SFXN5: variants seen among roughly 807,000 people sequenced by gnomAD.
SFXN5 encodes the protein sideroflexin-5.
A neutral mutation model predicts 50.2 loss-of-function variants in SFXN5; 43 were observed. The ratio of observed to expected loss-of-function variants is 0.86; its 90% CI spans 0.67 to 1.11. SFXN5 has a LOEUF of 1.11. SFXN5 is among the 50% of genes least tolerant of loss of function. SFXN5 has a pLI of 0.00. For missense variants in SFXN5, 463 were observed against 454.1 expected (o/e 1.02, Z -0.18); for synonymous variants, 203 against 185.8 (o/e 1.09, Z -0.75).
intron 3 of SFXN5, among the ~76,000 whole-genome samples, chr2:73,031,158 G>T (rs1031616235): frequency 7.9e-5 from 12 of 152,242 alleles, no homozygotes; most frequent in African/African-American, 2.2e-4. Flanking sequence ...AAGCTGGCAG[G>T]TGGCTGGCCT....
intron 2 of SFXN5, among the ~76,000 whole-genome samples, chr2:73,046,631 C>G (rs1027800614): frequency 2.0e-5 from 3 of 151,924 alleles, no homozygotes; most frequent in African/African-American, 7.3e-5. Context: ...GAACCATGAT[C>G]ACTGCCACTG....
chr2:73,054,506 T>C (rs1268797760), intron 2 of SFXN5, among the ~76,000 whole-genome samples: 3 of 151,850 alleles, frequency 2.0e-5, no homozygotes, highest in Non-Finnish European at 4.4e-5. Flanking sequence ...AGTAGTGAAA[T>C]GAAATGATCC....
chr2:73,018,405 C>T (rs1177733543), intron 6 of SFXN5, among the ~76,000 whole-genome samples: 1 of 151,816 alleles, frequency 6.6e-6, no homozygotes. Context: ...AAAAGTGGCC[C>T]CATTTGCATA....
In SFXN5 at chr2:73,022,586, G is replaced by A. The variant is rs1050466861; in HGVS notation, c.277-10C>T. On this transcript the variant is annotated splice_polypyrimidine_tract_variant and intron_variant, in intron 4 of 13. Transcript: ENST00000272433. The stretch of plus-strand genomic sequence containing the variant: ...CCGGATGTAGAATAGCCTGGCAAAA[G>A]CAGGAACAGAGAATGGGGTGGGGAC... 1 of 1,352,438 alleles carries A rather than the reference G, an allele frequency of 7.4e-7. No individual in the cohort carries two copies. Among genetic ancestry groups the A allele is most frequent in the Non-Finnish European group, 9.9e-7 (1 of 1,015,204 alleles). 83.8% of individuals were successfully genotyped at this position (1,352,438 alleles called of 1,614,324 possible).
At chr2:73,005,572 C>T (rs1397307219) in intron 6 of SFXN5, among the ~76,000 whole-genome samples, 1 of 152,238 alleles carries the variant, frequency 6.6e-6, no homozygotes, top group Admixed American at 6.5e-5. Context: ...CAAGCGCTCC[C>T]TGGATGCCGG....
At chr2:73,017,703 A>G (rs775308681) in intron 6 of SFXN5, among the ~76,000 whole-genome samples, 11 of 152,218 alleles carry the variant, frequency 7.2e-5, no homozygotes, top group Non-Finnish European at 1.2e-4. Flanking sequence ...ACAAATGAAC[A>G]TCGAGATGTT....
chr2:72,944,983 C>T lies in SFXN5; in HGVS notation c.*39G>A, dbSNP rs566194162. The T allele has an allele frequency of 1.0e-5, 16 of 1,596,592 alleles. No individual in the cohort carries two copies. The African/African-American group carries it at 1.5e-4, about 15-fold the overall frequency. On this transcript the variant is annotated 3_prime_UTR_variant, in exon 14 of 14. Coordinates refer to ENST00000272433, the MANE Select transcript of SFXN5 (RefSeq NM_144579.3). The stretch of plus-strand genomic sequence containing the variant: ...TCTACGGCCCTGCCCCTCAGCTCCC[C>T]GGCTGCACAGTGCTCCGTCCCCAGG...
chr2:73,011,797 T>C (rs925633687), intron 6 of SFXN5, among the ~76,000 whole-genome samples: 2 of 152,206 alleles, frequency 1.3e-5, no homozygotes, highest in African/African-American at 2.4e-5. Flanking sequence ...TGGAGAAATA[T>C]AGTCTTTTTG....
intron 1 of SFXN5, among the ~76,000 whole-genome samples, chr2:73,069,037 G>A (rs1044035487): frequency 6.6e-6 from 1 of 151,690 alleles, no homozygotes; most frequent in Admixed American, 6.6e-5. Flanking sequence ...GTGTGGGTGG[G>A]TGGGTGGTGG....
In SFXN5 at chr2:73,055,899, C is replaced by T. The variant is rs186802262; in HGVS notation, c.171+2629G>A. ...CCCAAAGTGCCGGGATTACAGGCGT[C>T]GGCCACCGGGCCAGTGAATGTCTTG... is the stretch of plus-strand genomic sequence containing the variant. On this transcript the variant is annotated intron_variant, in intron 2 of 13. Coordinates refer to ENST00000272433, the MANE Select transcript of SFXN5 (RefSeq NM_144579.3). Among the ~76,000 whole-genome samples, 60 of 152,300 alleles carry T rather than the reference C, an allele frequency of 3.9e-4. 2 individuals are homozygous for T. In the East Asian group the frequency reaches 7.6e-3, roughly 19 times the overall value.
intron 13 of SFXN5, among the ~76,000 whole-genome samples, chr2:72,949,942 T>TG: frequency 1.3e-5 from 2 of 150,864 alleles, no homozygotes; most frequent in Non-Finnish European, 3.0e-5. Flanking sequence ...GGGTTGGGGG[T>TG]GGTAGGCTCA....
chr2:73,013,405 T>TTGTGTG (rs1675777824), intron 6 of SFXN5, among the ~76,000 whole-genome samples: 1 of 120,242 alleles, frequency 8.3e-6, no homozygotes, highest in African/African-American at 3.3e-5. Flanking sequence ...CAGGGATATT[T>TTGTGTG]CGTGTGTGTG....
chr2:73,063,220 G>C (rs977675403), intron 1 of SFXN5, among the ~76,000 whole-genome samples: 2 of 152,112 alleles, frequency 1.3e-5, no homozygotes, highest in Admixed American at 6.5e-5. Context: ...TTTGGACTGA[G>C]ATTCAAGAAA....
At position 72,977,390 on chromosome 2, in the gene SFXN5, T is replaced by C. The variant is rs1670750030; in HGVS notation, c.626-5705A>G. 2.0e-5 allele frequency among the ~76,000 whole-genome samples: 3 copies of C among 152,160 alleles called. No homozygotes were observed. The South Asian group carries it at 6.2e-4, about 32-fold the overall frequency. ...AACAATTATTAAGAAAAAGATATGGTGATCAAAATCATAGAAAAACATATG... is the reference window on the plus strand; with the variant it reads ...AACAATTATTAAGAAAAAGATATGGCGATCAAAATCATAGAAAAACATATG... On this transcript the variant is annotated intron_variant, in intron 10 of 13. Transcript: ENST00000272433.
intron 3 of SFXN5, among the ~76,000 whole-genome samples, chr2:73,027,235 A>T (rs1163049067): frequency 6.6e-6 from 1 of 152,200 alleles, no homozygotes; most frequent in Non-Finnish European, 1.5e-5. Flanking sequence ...TCCTGACTCC[A>T]TGTAGGCCTA....
At chr2:73,040,597 C>T (rs960017520) in intron 3 of SFXN5, among the ~76,000 whole-genome samples, 1 of 152,240 alleles carries the variant, frequency 6.6e-6, no homozygotes, top group African/African-American at 2.4e-5. Context: ...TCAGCTCTCG[C>T]AAGCCAGTGC....
chr2:73,055,052 G>T (rs1175833389), intron 2 of SFXN5, among the ~76,000 whole-genome samples: 2 of 152,230 alleles, frequency 1.3e-5, no homozygotes, highest in African/African-American at 4.8e-5. Flanking sequence ...CATGAGGGGG[G>T]ATGGTTCTAG....
chr2:72,976,421 C>G (rs1670624043), intron 10 of SFXN5, among the ~76,000 whole-genome samples: 1 of 152,130 alleles, frequency 6.6e-6, no homozygotes, highest in Non-Finnish European at 1.5e-5. Flanking sequence ...CCTAAAGAAG[C>G]TGATTAATTT....
At chr2:72,982,711 G>T (rs1265361430) in intron 10 of SFXN5, among the ~76,000 whole-genome samples, 4 of 152,334 alleles carry the variant, frequency 2.6e-5, no homozygotes, top group Non-Finnish European at 4.4e-5. Flanking sequence ...AGAGGAGATG[G>T]TGTTTGAGCA....
Sources: allele counts gnomAD v4.1 joint callset (sites outside exome capture counted in the v4.1 genomes callset), GRCh38; gene constraint gnomAD v4.1.1; transcripts MANE v1.5; gene names NCBI Gene and HGNC (gene_info 2026-07-23, HGNC 2026-07-21).